Variants in TACC2 observed in about 807,000 individuals in gnomAD.
TACC2 encodes transforming acidic coiled-coil-containing protein 2.
TACC2 carries 137 observed loss-of-function variants against 227.3 expected under a neutral mutation model. The observed-to-expected ratio is 0.60, with a 90% CI of 0.52 to 0.69. The LOEUF (loss-of-function observed/expected upper bound fraction) is 0.69, where lower values mean the gene tolerates loss of function less well. Among genes scored for constraint, TACC2 ranks in the 30% least tolerant of loss-of-function variants. The probability of loss-of-function intolerance (pLI) is 0.00; values close to 1 mark genes in which losing one functional copy is unlikely to be tolerated. For missense variants in TACC2, 3,470 were observed against 3,694.4 expected (o/e 0.94, Z 1.57); for synonymous variants, 1,523 against 1,487.5 (o/e 1.02, Z -0.55).
Position 122,217,001 on chromosome 10 carries a change from C to T in TACC2, c.7546+173C>T, listed in dbSNP as rs549843217. On this transcript the variant is annotated intron_variant, in intron 11 of 22. Coordinates refer to ENST00000369005, the MANE Select transcript of TACC2 (RefSeq NM_206862.4). Reference sequence around the variant, plus strand: ...AGCTCAGGCTGTGTTTGAAAACAGCCTGAGACTTGAAAGCAGCTGTCCCTT... The same window carrying T: ...AGCTCAGGCTGTGTTTGAAAACAGCTTGAGACTTGAAAGCAGCTGTCCCTT... 3.0e-6 allele frequency: 4 copies of T among 1,352,486 alleles called. No individual in the cohort carries two copies. The African/African-American group carries it at 4.4e-5, about 15-fold the overall frequency. The allele number at this position is 1,352,486 out of a possible 1,614,324, so 83.8% of individuals were successfully genotyped here. A position where few individuals can be genotyped will look rare whatever the true frequency, so the allele number is the denominator to read the frequency against.
At chr10:122,217,166 G>A (rs1181775029) in intron 11 of TACC2, among the ~76,000 whole-genome samples, 1 of 152,006 alleles carries the variant, frequency 6.6e-6, no homozygotes, top group Admixed American at 6.5e-5. Context: ...CAGCTCCAAG[G>A]GAGTGTCATT....
Position 122,194,692 on chromosome 10 carries a change from G to A in TACC2, c.5835-348G>A, listed in dbSNP as rs1422327175. Among the ~76,000 whole-genome samples the A allele has an allele frequency of 6.6e-6, 1 of 152,180 alleles. No homozygotes were observed. Among genetic ancestry groups the A allele is most frequent in the Non-Finnish European group, 1.5e-5 (1 of 68,040 alleles). Reference sequence around the variant, plus strand: ...GTGGGTGAGTTGGCACAATGGCATCGAACATGCAGAATGCCTCTCTCTCTC... The same window carrying A: ...GTGGGTGAGTTGGCACAATGGCATCAAACATGCAGAATGCCTCTCTCTCTC... On this transcript the variant is annotated intron_variant, in intron 7 of 22. Transcript: ENST00000369005. The surrounding 1 kb of genome is among the most constrained non-coding windows in gnomAD (Gnocchi z 4.4).
chr10:122,132,125 T>C (rs2088392658), intron 5 of TACC2, among the ~76,000 whole-genome samples: 1 of 152,096 alleles, frequency 6.6e-6, no homozygotes, highest in Admixed American at 6.6e-5. Flanking sequence ...TTGAGGTTTC[T>C]GTACTACTCT....
intron 7 of TACC2, among the ~76,000 whole-genome samples, chr10:122,189,736 A>G (rs2094343357): frequency 6.6e-6 from 1 of 152,258 alleles, no homozygotes. Context: ...GGTAACATTC[A>G]AATGTTATAT....
chr10:122,134,254 C>T (rs1043837418), intron 6 of TACC2, among the ~76,000 whole-genome samples: 1 of 152,072 alleles, frequency 6.6e-6, no homozygotes, highest in East Asian at 1.9e-4. Context: ...TCACTGCAAC[C>T]TCCGCTTCCT....
intron 7 of TACC2, among the ~76,000 whole-genome samples, chr10:122,189,011 G>C (rs1384487195): frequency 6.6e-6 from 1 of 152,140 alleles, no homozygotes; most frequent in African/African-American, 2.4e-5. Context: ...GCATTTGCTT[G>C]TGTTGAAATC....
At position 122,087,650 on chromosome 10, in the gene TACC2, A is replaced by T; in HGVS notation, c.5150A>T (p.Gln1717Leu). The change falls in exon 4 of 23, where the codon CAG becomes CTG. Residue 1717 changes from glutamine (Q) to leucine (L), a missense_variant. Gln to Leu is a moderately radical substitution (Grantham distance 113, BLOSUM62 -2). Coordinates refer to ENST00000369005, the MANE Select transcript of TACC2 (RefSeq NM_206862.4). ...GDITLSTAET[Q>L]ACASGDLPEA... ...ATCACCCTGAGCACAGCTGAGACAC[A>T]GGCATGTGCGTCCGGTGATCTGCCT... is the stretch of plus-strand genomic sequence containing the variant. 6.2e-7 allele frequency: 1 copy of T among 1,613,432 alleles called. No individual in the cohort carries two copies.
chr10:122,200,680 CTG>C, intron 8 of TACC2, among the ~76,000 whole-genome samples: 2 of 148,206 alleles, frequency 1.3e-5, no homozygotes, highest in African/African-American at 5.1e-5. Context: ...GCCACCTCAC[CTG>C]CCCACAGTGG....
rs1396396426 is a variant in TACC2 at position 122,097,642 on chromosome 10, G to A, written c.5573+9051G>A. Among the ~76,000 whole-genome samples the A allele has an allele frequency of 4.6e-5, 7 of 152,092 alleles. No homozygotes were observed. In the South Asian group the frequency reaches 8.3e-4, roughly 18 times the overall value. ...TGGAGGCTAGGGTTGGTAGGCGGCC[G>A]GAGTTTAAATCCTGGCTCCCACTGG... On this transcript the variant is annotated intron_variant, in intron 5 of 22. Transcript: ENST00000369005.
chr10:122,172,845 G>A (rs530925502), intron 7 of TACC2, among the ~76,000 whole-genome samples: 1 of 152,234 alleles, frequency 6.6e-6, no homozygotes, highest in African/African-American at 2.4e-5. Flanking sequence ...GGCAGGGGGT[G>A]AGGGGCAGGC....
intron 3 of TACC2, among the ~76,000 whole-genome samples, chr10:122,062,723 G>A (rs923355561): frequency 6.6e-6 from 1 of 152,146 alleles, no homozygotes. Context: ...TCTTTGGTGT[G>A]GATAGCAGCA....
At chr10:122,148,790 C>A (rs1358172932) in intron 7 of TACC2, among the ~76,000 whole-genome samples, 1 of 152,238 alleles carries the variant, frequency 6.6e-6, no homozygotes, top group African/African-American at 2.4e-5. Flanking sequence ...ACACTCCCCT[C>A]CCCCCACTCT....
intron 11 of TACC2, among the ~76,000 whole-genome samples, chr10:122,221,340 A>G (rs1463398501): frequency 6.6e-6 from 1 of 152,220 alleles, no homozygotes; most frequent in Non-Finnish European, 1.5e-5. Flanking sequence ...ATTAGGAACT[A>G]TTGGTCTACA....
chr10:122,227,108 C>T (rs573423844), intron 13 of TACC2, among the ~76,000 whole-genome samples: 5 of 152,256 alleles, frequency 3.3e-5, no homozygotes, highest in South Asian at 2.1e-4. Flanking sequence ...AGCTGTGTGA[C>T]GGGGAGAGGG....
At chr10:122,035,834 A>T (rs912666163) in intron 2 of TACC2, among the ~76,000 whole-genome samples, 2 of 150,156 alleles carry the variant, frequency 1.3e-5, no homozygotes, top group Non-Finnish European at 3.0e-5. Flanking sequence ...CTTCCTTCTG[A>T]CTGGGTCTTA....
chr10:122,203,516 T>C (rs1231094511), intron 8 of TACC2, among the ~76,000 whole-genome samples: 2 of 130,238 alleles, frequency 1.5e-5, no homozygotes, highest in South Asian at 2.6e-4. Flanking sequence ...TCCTCACTTC[T>C]CAGACGGGGC....
chr10:122,154,880 C>G (rs947589437), intron 7 of TACC2, among the ~76,000 whole-genome samples: 5 of 152,356 alleles, frequency 3.3e-5, no homozygotes, highest in Admixed American at 6.5e-5. Flanking sequence ...GATGCTATTT[C>G]TGGCCCGGCT....
chr10:122,117,583 C>A (rs1435648005), intron 5 of TACC2, among the ~76,000 whole-genome samples: 1 of 152,138 alleles, frequency 6.6e-6, no homozygotes, highest in African/African-American at 2.4e-5. Context: ...GGTCTGCTGA[C>A]CTGGGGAGAA....
At chr10:122,157,622 C>T (rs1358959703) in intron 7 of TACC2, among the ~76,000 whole-genome samples, 2 of 152,048 alleles carry the variant, frequency 1.3e-5, no homozygotes, top group Non-Finnish European at 2.9e-5. Context: ...ACTTGTACCC[C>T]ACTCCAGCAA....
Sources: gnomAD v4.1 joint callset for allele counts (sites outside exome capture counted in the v4.1 genomes callset) on GRCh38, gnomAD v4.1.1 for gene constraint, Gnocchi (gnomAD v3.1) non-coding constraint, MANE v1.5 for transcripts, NCBI Gene and HGNC (gene_info 2026-07-23, HGNC 2026-07-21) for gene names.